MBD5: variants seen among roughly 807,000 people sequenced by gnomAD.
MBD5 encodes the protein methyl-CpG-binding domain protein 5.
MBD5 carries 13 observed loss-of-function variants against 117.3 expected under a neutral mutation model. That is an observed-to-expected ratio of 0.11 (90% CI 0.07 to 0.18). The LOEUF is 0.18. MBD5 is among the 10% of genes least tolerant of loss of function. The pLI, the probability that MBD5 is intolerant of heterozygous loss-of-function variation, is 1.00. For missense variants in MBD5, 1,879 were observed against 2,093.8 expected, an observed-to-expected ratio of 0.90 and a Z score of 2.00; for synonymous variants, 727 against 766.4, an observed-to-expected ratio of 0.95 and a Z score of 0.85.
chr2:148,070,815 A>G (rs1274523396), intron 1 of MBD5: 1 of 152,028 alleles, frequency 6.6e-6, no homozygotes, highest in Non-Finnish European at 1.5e-5. Flanking sequence ...GTAAAAATTA[A>G]CTATAATAAT....
At chr2:148,321,475 G>A (rs568451230) in intron 3 of MBD5, among the ~76,000 whole-genome samples, 89 of 152,202 alleles carry the variant, frequency 5.8e-4, no homozygotes, top group African/African-American at 2.0e-3. Flanking sequence ...GGTTCCCAAG[G>A]GCCATTTTTG....
chr2:148,359,857 C>T (rs1703484291), intron 4 of MBD5, among the ~76,000 whole-genome samples: 1 of 152,078 alleles, frequency 6.6e-6, no homozygotes. Context: ...GTTTTCATTT[C>T]TGTCTCCCTT....
intron 2 of MBD5, among the ~76,000 whole-genome samples, chr2:148,191,013 C>T (rs1348991262): frequency 6.7e-6 from 1 of 149,680 alleles, no homozygotes; most frequent in Admixed American, 6.7e-5. Flanking sequence ...ACAAAGAAGG[C>T]CATTACATAA....
intron 2 of MBD5, among the ~76,000 whole-genome samples, chr2:148,203,638 A>G (rs908132533): frequency 4.6e-5 from 7 of 152,194 alleles, no homozygotes; most frequent in Admixed American, 3.3e-4. Flanking sequence ...AAGTCTTCAC[A>G]AGAAGGTAAT....
intron 2 of MBD5, among the ~76,000 whole-genome samples, chr2:148,179,911 A>T (rs1698480915): frequency 6.6e-6 from 1 of 152,172 alleles, no homozygotes; most frequent in Non-Finnish European, 1.5e-5. Flanking sequence ...ACAGAAATAA[A>T]TTTGAAAAAT....
intron 4 of MBD5, among the ~76,000 whole-genome samples, chr2:148,426,225 C>T (rs1466833834): frequency 1.3e-5 from 2 of 152,154 alleles, no homozygotes; most frequent in Non-Finnish European, 2.9e-5. Flanking sequence ...GGCCATACTG[C>T]CCAAGGTAAT....
At chr2:148,297,661 C>A (rs964023149) in intron 3 of MBD5, among the ~76,000 whole-genome samples, 1 of 152,146 alleles carries the variant, frequency 6.6e-6, no homozygotes, top group African/African-American at 2.4e-5. Flanking sequence ...TTCTTAACTG[C>A]CTCTTTGATT....
At chr2:148,032,123 G>T (rs1694055081) in intron 1 of MBD5, among the ~76,000 whole-genome samples, 1 of 152,036 alleles carries the variant, frequency 6.6e-6, no homozygotes, top group South Asian at 2.1e-4. Flanking sequence ...TTAAACGGTG[G>T]TTATTGTTGA....
chr2:148,265,145 A>G (rs1242447717), intron 3 of MBD5: 2 of 152,100 alleles, frequency 1.3e-5, no homozygotes, highest in African/African-American at 2.4e-5. Flanking sequence ...TTGTAACAGC[A>G]TGGTGTTCAA....
At chr2:148,412,272 T>TTTTTTTTG (rs946184910) in intron 4 of MBD5, among the ~76,000 whole-genome samples, 1 of 144,480 alleles carries the variant, frequency 6.9e-6, no homozygotes, top group African/African-American at 2.6e-5. Context: ...AGTATACTTT[T>TTTTTTTTG]TGTGTGTGTG....
chr2:148,160,505 T>C (rs10084287), intron 1 of MBD5, among the ~76,000 whole-genome samples: 146,744 of 152,272 alleles, frequency 0.96, 70,939 homozygotes, highest in East Asian at 1. Context: ...GTGGCCATTA[T>C]GTGCTATAAA....
At chr2:148,184,749 A>G (rs771080480) in intron 2 of MBD5, among the ~76,000 whole-genome samples, 17 of 152,160 alleles carry the variant, frequency 1.1e-4, no homozygotes, top group Non-Finnish European at 2.4e-4. Flanking sequence ...ATTGGCTACT[A>G]TGACATCACA....
At chr2:148,155,924 A>G (rs1387539958) in intron 1 of MBD5, among the ~76,000 whole-genome samples, 1 of 152,202 alleles carries the variant, frequency 6.6e-6, no homozygotes, top group Non-Finnish European at 1.5e-5. Context: ...TCCTGTTACT[A>G]TCTGAAAGAT....
chr2:148,078,921 C>T (rs1411481910), intron 1 of MBD5, among the ~76,000 whole-genome samples: 1 of 151,930 alleles, frequency 6.6e-6, no homozygotes, highest in Admixed American at 6.6e-5. Flanking sequence ...TATTAATTGC[C>T]CCATTGTTCA....
intron 2 of MBD5, among the ~76,000 whole-genome samples, chr2:148,215,554 G>C (rs76156841): frequency 0.032 from 4,867 of 151,558 alleles, 290 homozygotes; most frequent in African/African-American, 0.11. Context: ...GTTTTTTTTC[G>C]AGACAAGGTC....
intron 1 of MBD5, among the ~76,000 whole-genome samples, chr2:148,065,209 C>T (rs1329216491): frequency 6.6e-6 from 1 of 152,180 alleles, no homozygotes; most frequent in Non-Finnish European, 1.5e-5. Flanking sequence ...ACCATTTCTG[C>T]TTTCCTCTGG....
intron 4 of MBD5, among the ~76,000 whole-genome samples, chr2:148,394,452 A>G (rs530025719): frequency 1.3e-5 from 2 of 150,090 alleles, no homozygotes; most frequent in Admixed American, 1.3e-4. Context: ...ATCTTCAAAT[A>G]TTTTAGTATA....
At chr2:148,430,003 A>C (rs1371540148) in intron 4 of MBD5, among the ~76,000 whole-genome samples, 1 of 152,134 alleles carries the variant, frequency 6.6e-6, no homozygotes, top group East Asian at 1.9e-4. Context: ...CTGCCTGTAT[A>C]TTGATGACTA....
chr2:148,467,276 C>T (rs942553972), intron 7 of MBD5, among the ~76,000 whole-genome samples: 16 of 152,056 alleles, frequency 1.1e-4, no homozygotes, highest in Non-Finnish European at 1.8e-4. Flanking sequence ...GCTAAAAAAG[C>T]GAAACCTAGA....
Sources: allele counts gnomAD v4.1 joint callset (sites outside exome capture counted in the v4.1 genomes callset), GRCh38; gene constraint gnomAD v4.1.1; transcripts MANE v1.5; gene names NCBI Gene and HGNC (gene_info 2026-07-23, HGNC 2026-07-21).